Variants in SF3A2 observed in about 807,000 individuals in gnomAD.
SF3A2 encodes the protein splicing factor 3a subunit 2.
In SF3A2, 5 loss-of-function variants were observed where a neutral mutation model predicts 31.1. That is an observed-to-expected ratio of 0.16 (90% CI 0.08 to 0.34). The LOEUF (loss-of-function observed/expected upper bound fraction) is 0.34, where lower values mean the gene tolerates loss of function less well. Ranked by LOEUF, SF3A2 falls within the 10% of genes least tolerant of loss-of-function variation. The pLI is 1.00. For synonymous variants in SF3A2, 365 were observed against 263.7 expected (o/e 1.38, Z -3.72); for missense variants, 577 against 643.9 (o/e 0.90, Z 1.13).
intron 7 of SF3A2, chr19:2,247,318 C>G: frequency 1.8e-6 from 1 of 558,596 alleles, no homozygotes; most frequent in East Asian, 3.0e-5. Context: ...GGAGGGCTTC[C>G]TACAGCCTGT....
In SF3A2 at chr19:2,248,094, G is replaced by A. The variant is rs547159261; in HGVS notation, c.943G>A (p.Val315Ile). 49 of 1,012,882 alleles carry A rather than the reference G, an allele frequency of 4.8e-5. 1 individual carries two copies. The highest frequency in any genetic ancestry group is 9.6e-5 in the South Asian group (7 of 72,644). The allele number at this position is 1,012,882 out of a possible 1,614,324, so 62.7% of individuals were successfully genotyped here. A position where few individuals can be genotyped will look rare whatever the true frequency, so the allele number is the denominator to read the frequency against. ...APGVHPPAPGVHPPAPGVHPP... is the reference protein window; with the variant it reads ...APGVHPPAPGIHPPAPGVHPP... ...TGGCGTCCACCCCCCAGCTCCTGGC[G>A]TCCATCCCCCAGCCCCTGGGGTCCA... Residue 315 changes from valine (V) to isoleucine (I), a missense_variant, in exon 9 of 9, where the codon GTC (valine) becomes ATC (isoleucine). Around this residue, in one of 6 missense-constraint regions of SF3A2, gnomAD observed 462 missense variants for 339.1 expected, o/e 1.36. Coordinates refer to ENST00000221494, the MANE Select transcript of SF3A2 (RefSeq NM_007165.5).
intron 2 of SF3A2, 26 bp from the exon 3 acceptor site, chr19:2,244,518 A>G (rs752601151): frequency 2.1e-5 from 33 of 1,600,496 alleles, no homozygotes; most frequent in East Asian, 2.2e-5. Flanking sequence ...TCTTCTGTCT[A>G]ACGGGCCCCT....
chr19:2,247,019 C>T lies in SF3A2; in HGVS notation c.543C>T (p.Phe181=). ...CCGAGCCCTACGAGACCATTGCCTT[C>T]AAGGTAGCGTGGCTGCGGGGTTCCC... The part of the protein sequence containing the change: ...MAAEPYETIA[F]KVPSREIDKA... The change falls in exon 7 of 9, where the codon TTC becomes TTT. Residue 181 remains phenylalanine (F), a synonymous_variant. Transcript: ENST00000221494. 1 of 1,343,340 alleles carries T rather than the reference C, an allele frequency of 7.4e-7. No individual in the cohort carries two copies. Among genetic ancestry groups the T allele is most frequent in the Non-Finnish European group, 9.7e-7 (1 of 1,029,226 alleles). 83.2% of individuals were successfully genotyped at this position (1,343,340 alleles called of 1,614,324 possible).
intron 1 of SF3A2, 117 bp from the exon 2 acceptor site, chr19:2,243,265 C>T: frequency 1.3e-6 from 1 of 790,568 alleles, no homozygotes; most frequent in East Asian, 3.1e-5. Flanking sequence ...GACCCTGGCG[C>T]TGGGAGTGCA....
At chr19:2,244,819 A>C (rs1306574102) in intron 4 of SF3A2, 40 bp downstream of exon 4, 2 of 1,594,088 alleles carry the variant, frequency 1.3e-6, no homozygotes, top group South Asian at 2.2e-5. Flanking sequence ...GTGCTCCAGC[A>C]GCCGTTGGCT....
At chr19:2,241,749 C>T (rs1203426523) in intron 1 of SF3A2, among the ~76,000 whole-genome samples, 1 of 152,214 alleles carries the variant, frequency 6.6e-6, no homozygotes, top group South Asian at 2.1e-4. Context: ...GACAGTCCTT[C>T]TGGTGTCACA....
At chr19:2,238,978 C>A (rs568384960) in intron 1 of SF3A2, among the ~76,000 whole-genome samples, 1 of 152,072 alleles carries the variant, frequency 6.6e-6, no homozygotes, top group South Asian at 2.1e-4. Context: ...TGATTTTTTT[C>A]GGGGGGTGGG....
intron 1 of SF3A2, among the ~76,000 whole-genome samples, chr19:2,240,403 G>A (rs1039117197): frequency 1.3e-5 from 2 of 152,242 alleles, no homozygotes; most frequent in East Asian, 1.9e-4. Flanking sequence ...GGTTGTGGGC[G>A]ATCCGAGCGT....
intron 1 of SF3A2, among the ~76,000 whole-genome samples, chr19:2,240,648 G>C (rs1487157265): frequency 1.3e-5 from 2 of 152,244 alleles, no homozygotes; most frequent in Admixed American, 6.5e-5. Flanking sequence ...GGGGCGTTCT[G>C]TCTGGCCAGT....
Position 2,245,295 on chromosome 19 carries a change from G to A in SF3A2, c.246-151G>A. On this transcript the variant is annotated intron_variant, in intron 4 of 8. Coordinates refer to ENST00000221494, the MANE Select transcript of SF3A2 (RefSeq NM_007165.5). The surrounding 1 kb of genome is among the most constrained non-coding windows in gnomAD (Gnocchi z 4.2). ...CATGCCTGTCCTATCCCTGTCCTCA[G>A]CCAAACCCCAGGGCCCCTCCCAGGC... is the stretch of plus-strand genomic sequence containing the variant. 1 of 614,088 alleles carries A rather than the reference G, an allele frequency of 1.6e-6. No individual in the cohort carries two copies. The highest frequency in any genetic ancestry group is 2.9e-6 in the Non-Finnish European group (1 of 345,050). The allele number at this position is 614,088 out of a possible 1,614,324, so 38.0% of individuals were successfully genotyped here.
intron 1 of SF3A2, among the ~76,000 whole-genome samples, chr19:2,242,263 A>G (rs145237221): frequency 4.5e-4 from 68 of 152,350 alleles, no homozygotes; most frequent in African/African-American, 1.5e-3. Flanking sequence ...AGTAGTTCAG[A>G]TGACACGGCT....
At chr19:2,242,838 C>A (rs1406260466) in intron 1 of SF3A2, among the ~76,000 whole-genome samples, 1 of 152,154 alleles carries the variant, frequency 6.6e-6, no homozygotes, top group East Asian at 1.9e-4. Flanking sequence ...GCAGATCTCC[C>A]AGGTGTTACT....
chr19:2,239,307 G>T (rs1332261833), intron 1 of SF3A2, among the ~76,000 whole-genome samples: 1 of 146,202 alleles, frequency 6.8e-6, no homozygotes, highest in Non-Finnish European at 1.5e-5. Flanking sequence ...GGAGGTTGCA[G>T]TGAGCCAAGA....
In SF3A2 at chr19:2,243,448, G is replaced by A. The variant is rs774556219; in HGVS notation, c.30G>A (p.Lys10=). 1.8e-5 allele frequency: 28 copies of A among 1,554,196 alleles called. No individual in the cohort carries two copies. The highest frequency in any genetic ancestry group is 2.3e-5 in the Non-Finnish European group (27 of 1,156,822). Residue 10 remains lysine, a synonymous_variant, in exon 2 of 9, where the codon AAG becomes AAA. Transcript: ENST00000221494. ...ACTTCCAGCATCGCCCCGGGGGCAA[G>A]ACCGGGAGCGGGGGCGTGGCCTCCT... The part of the protein sequence containing the change: MDFQHRPGG[K]TGSGGVASSS...
In SF3A2 at chr19:2,247,335, G is replaced by T. The variant is rs184933414; in HGVS notation, c.547-259G>T. The T allele has an allele frequency of 1.1e-3, 628 of 573,906 alleles. 5 individuals carry two copies. Among genetic ancestry groups the T allele is most frequent in the African/African-American group, 0.01 (539 of 53,256 alleles). The allele number at this position is 573,906 out of a possible 1,614,324, so 35.6% of individuals were successfully genotyped here. ...AGGGCTTCCTACAGCCTGTCCCCAT[G>T]CCTGGACAGGGCGGCCATCAGGAAA... On this transcript the variant is annotated intron_variant, in intron 7 of 8. Coordinates refer to ENST00000221494, the MANE Select transcript of SF3A2 (RefSeq NM_007165.5).
chr19:2,238,809 C>T (rs1296060125), intron 1 of SF3A2, among the ~76,000 whole-genome samples: 1 of 152,210 alleles, frequency 6.6e-6, no homozygotes, highest in African/African-American at 2.4e-5. Context: ...TTATCCTCCT[C>T]CTCCAAATGG....
chr19:2,240,195 G>C (rs938741636), intron 1 of SF3A2, among the ~76,000 whole-genome samples: 1 of 152,164 alleles, frequency 6.6e-6, no homozygotes, highest in Non-Finnish European at 1.5e-5. Flanking sequence ...GGGGTGGGGG[G>C]CGTCCGTGCT....
chr19:2,240,285 C>G (rs35022945), intron 1 of SF3A2, among the ~76,000 whole-genome samples: 3 of 152,318 alleles, frequency 2.0e-5, no homozygotes, highest in East Asian at 1.9e-4. Context: ...TTCAGTCCCC[C>G]CTTTTCAGCC....
Position 2,245,602 on chromosome 19 carries a change from A to G in SF3A2, c.355+47A>G. 7.3e-7 allele frequency: 1 copy of G among 1,364,710 alleles called. No homozygotes were observed. The highest frequency in any genetic ancestry group is 1.0e-6 in the Non-Finnish European group (1 of 977,176). 84.5% of individuals were successfully genotyped at this position (1,364,710 alleles called of 1,614,324 possible). ...CCGGCCACAGCCGCTGCCGTGACAT[A>G]AGTGTGTTCTTTAGTCTCCAGTGCG... On this transcript the variant is annotated intron_variant, in intron 5 of 8. Coordinates refer to ENST00000221494, the MANE Select transcript of SF3A2 (RefSeq NM_007165.5). The surrounding 1 kb of genome is among the most constrained non-coding windows in gnomAD (Gnocchi z 4.2).
Sources: gnomAD v4.1 joint callset for allele counts (sites outside exome capture counted in the v4.1 genomes callset) on GRCh38, gnomAD v4.1.1 for gene constraint, gnomAD v4.1.1 regional missense constraint, Gnocchi (gnomAD v3.1) non-coding constraint, MANE v1.5 for transcripts, NCBI Gene and HGNC (gene_info 2026-07-23, HGNC 2026-07-21) for gene names.